Variants in TSPAN15 observed in about 807,000 individuals in gnomAD.
TSPAN15 encodes the protein tetraspanin-15.
TSPAN15 carries 20 observed loss-of-function variants against 34.5 expected under a neutral mutation model. The ratio of observed to expected loss-of-function variants is 0.58; its 90% CI spans 0.41 to 0.84. The LOEUF (loss-of-function observed/expected upper bound fraction) is 0.84, where lower values mean the gene tolerates loss of function less well. Ranked by LOEUF, TSPAN15 falls within the 40% of genes least tolerant of loss-of-function variation. The pLI is 0.00. For missense variants in TSPAN15, 313 were observed against 386.1 expected, an observed-to-expected ratio of 0.81 and a Z score of 1.59; for synonymous variants, 155 against 153.9, an observed-to-expected ratio of 1.01 and a Z score of -0.05.
intron 2 of TSPAN15, 109 bp from the exon 3 acceptor site, chr10:69,485,032 C>T (rs866835081): frequency 6.5e-6 from 7 of 1,077,744 alleles, no homozygotes; most frequent in Middle Eastern, 2.0e-4. Flanking sequence ...AGGAGCTCCC[C>T]GAGGGATGCT....
chr10:69,532,798 T>C, the TSPAN15 span, among the ~76,000 whole-genome samples: 1 of 152,076 alleles, frequency 6.6e-6, no homozygotes, highest in Non-Finnish European at 1.5e-5. Context: ...AGGACTAATA[T>C]CCAGAATCTA....
chr10:69,454,515 T>TA (rs35671630), intron 1 of TSPAN15, among the ~76,000 whole-genome samples: 29 of 149,574 alleles, frequency 1.9e-4, no homozygotes, highest in Admixed American at 1.7e-3. Flanking sequence ...AGACTCGGTT[T>TA]AAAAAAAAAA....
At chr10:69,547,062 C>T in the TSPAN15 span, among the ~76,000 whole-genome samples, 10 of 151,864 alleles carry the variant, frequency 6.6e-5, no homozygotes, top group African/African-American at 9.7e-5. Context: ...ATTAACCGGG[C>T]GTGGAATCAC....
the TSPAN15 span, among the ~76,000 whole-genome samples, chr10:69,540,227 C>T: frequency 1.3e-5 from 2 of 152,022 alleles, no homozygotes; most frequent in African/African-American, 4.8e-5. Flanking sequence ...CCCATCTCTA[C>T]AAAAAACATT....
At chr10:69,474,029 GC>G (rs1256755944) in intron 1 of TSPAN15, among the ~76,000 whole-genome samples, 1 of 152,096 alleles carries the variant, frequency 6.6e-6, no homozygotes, top group Non-Finnish European at 1.5e-5. Flanking sequence ...CCTTAACATT[GC>G]CCAAGTTGTG....
Position 69,507,585 on chromosome 10 carries a change from T to G in TSPAN15, c.*607T>G, listed in dbSNP as rs1224134567. On this transcript the variant is annotated 3_prime_UTR_variant, in exon 8 of 8. Transcript: ENST00000373290. The stretch of plus-strand genomic sequence containing the variant: ...GGAGTTTCTGACTAATCAAAGCTGG[T>G]ATTTCCCCGCATGTCTTATTCTTGC... The G allele has an allele frequency of 7.7e-7, 1 of 1,304,026 alleles. No homozygotes were observed. Among genetic ancestry groups the G allele is most frequent in the Non-Finnish European group, 1.0e-6 (1 of 988,946 alleles). 80.8% of individuals were successfully genotyped at this position (1,304,026 alleles called of 1,614,324 possible). A position where few individuals can be genotyped will look rare whatever the true frequency, so the allele number is the denominator to read the frequency against.
intron 1 of TSPAN15, among the ~76,000 whole-genome samples, chr10:69,461,720 C>T (rs557963300): frequency 6.6e-6 from 1 of 151,620 alleles, no homozygotes; most frequent in South Asian, 2.1e-4. Context: ...GCCTCTGGCC[C>T]ACCCTGTGGC....
chr10:69,472,192 C>T (rs1465228148), intron 1 of TSPAN15, among the ~76,000 whole-genome samples: 1 of 152,174 alleles, frequency 6.6e-6, no homozygotes, highest in Non-Finnish European at 1.5e-5. Context: ...GCCTCCCCTT[C>T]CCTCATCCTC....
At chr10:69,518,370 C>T in the TSPAN15 span, among the ~76,000 whole-genome samples, 1 of 151,320 alleles carries the variant, frequency 6.6e-6, no homozygotes, top group Non-Finnish European at 1.5e-5. Flanking sequence ...ACCCCCGCCA[C>T]CCCAGAGTAA....
chr10:69,522,375 CAAA>C, the TSPAN15 span, among the ~76,000 whole-genome samples: 1,437 of 48,352 alleles, frequency 0.03, 7 homozygotes, highest in African/African-American at 0.048. Flanking sequence ...GACCTTGTCT[CAAA>C]AAAAAAAAAA....
intron 1 of TSPAN15, among the ~76,000 whole-genome samples, chr10:69,466,401 G>A (rs1313300368): frequency 6.6e-6 from 1 of 152,092 alleles, no homozygotes. Flanking sequence ...GATTCCTGGT[G>A]GTGCACAAGA....
the TSPAN15 span, among the ~76,000 whole-genome samples, chr10:69,536,155 G>A: frequency 6.6e-6 from 1 of 152,198 alleles, no homozygotes; most frequent in Non-Finnish European, 1.5e-5. Flanking sequence ...TCAGTGAACA[G>A]GTTCTATTTG....
At chr10:69,514,592 AT>A in the TSPAN15 span, among the ~76,000 whole-genome samples, 5 of 152,228 alleles carry the variant, frequency 3.3e-5, no homozygotes, top group Non-Finnish European at 5.9e-5. Flanking sequence ...AAGGAATTTG[AT>A]AATTTCATCT....
chr10:69,547,403 T>A, the TSPAN15 span, among the ~76,000 whole-genome samples: 1 of 152,256 alleles, frequency 6.6e-6, no homozygotes, highest in Admixed American at 6.5e-5. Flanking sequence ...CTGGGAGAGA[T>A]AAACATGAAT....
At chr10:69,511,622 ATTTG>A (rs974448542), downstream of TSPAN15, among the ~76,000 whole-genome samples, 93 of 152,016 alleles carry the variant, frequency 6.1e-4, no homozygotes, top group African/African-American at 1.9e-3. Context: ...TAGCTTTTGA[ATTTG>A]TTTGTTCTTG....
At chr10:69,460,414 A>G (rs1249501984) in intron 1 of TSPAN15, among the ~76,000 whole-genome samples, 1 of 152,114 alleles carries the variant, frequency 6.6e-6, no homozygotes, top group Non-Finnish European at 1.5e-5. Context: ...CACCGTAGAG[A>G]CACTGTAGAC....
At position 69,504,308 on chromosome 10, in the gene TSPAN15, A is replaced by G. The variant is rs1014572349; in HGVS notation, c.571-130A>G. 3.4e-5 allele frequency: 25 copies of G among 746,094 alleles called. No individual in the cohort carries two copies. In the African/African-American group the frequency reaches 3.7e-4, roughly 11 times the overall value. 46.2% of individuals were successfully genotyped at this position (746,094 alleles called of 1,614,324 possible). ...CTCAAGCCAGACTGCCTGGGTCGGA[A>G]TCTCAGCTCCATCCCTGCTGGACGG... On this transcript the variant is annotated intron_variant, in intron 5 of 7. Coordinates refer to ENST00000373290, the MANE Select transcript of TSPAN15 (RefSeq NM_012339.5).
At chr10:69,504,063 A>G (rs1842270819) in intron 5 of TSPAN15, among the ~76,000 whole-genome samples, 1 of 152,186 alleles carries the variant, frequency 6.6e-6, no homozygotes, top group Non-Finnish European at 1.5e-5. Flanking sequence ...CCCAAGAGCC[A>G]GCGGCGCAGG....
intron 2 of TSPAN15, chr10:69,484,165 A>G (rs1841799055): frequency 9.5e-6 from 3 of 315,744 alleles, no homozygotes; most frequent in Non-Finnish European, 1.8e-5. Context: ...GCAAAGACAA[A>G]AAAAGGAGAT....
Sources: allele counts gnomAD v4.1 joint callset (sites outside exome capture counted in the v4.1 genomes callset), GRCh38; gene constraint gnomAD v4.1.1; transcripts MANE v1.5; gene names NCBI Gene and HGNC (gene_info 2026-07-23, HGNC 2026-07-21).